The following ANXA7 variants were observed in gnomAD, a reference collection of about 807,000 sequenced individuals.
The protein encoded by ANXA7 is annexin VII.
ANXA7 carries 55 observed loss-of-function variants against 64.9 expected under a neutral mutation model. The observed-to-expected ratio is 0.85, with a 90% confidence interval of 0.68 to 1.06. The LOEUF (loss-of-function observed/expected upper bound fraction) is 1.06, where lower values mean the gene tolerates loss of function less well. Ranked by LOEUF, ANXA7 falls within the 50% of genes least tolerant of loss-of-function variation. The pLI, the probability that ANXA7 is intolerant of heterozygous loss-of-function variation, is 0.00. For missense variants in ANXA7, 548 were observed against 582.1 expected, an observed-to-expected ratio of 0.94 and a Z score of 0.60; for synonymous variants, 200 against 192.4, an observed-to-expected ratio of 1.04 and a Z score of -0.33.
At chr10:73,403,901 C>T (rs1408698294) in intron 1 of ANXA7, among the ~76,000 whole-genome samples, 1 of 152,130 alleles carries the variant, frequency 6.6e-6, no homozygotes, top group South Asian at 2.1e-4. Context: ...GGGACGTGAA[C>T]GTACCTACTT....
intron 1 of ANXA7, among the ~76,000 whole-genome samples, chr10:73,411,209 G>C (rs954655515): frequency 1.3e-5 from 2 of 152,120 alleles, no homozygotes; most frequent in Non-Finnish European, 2.9e-5. Context: ...ACCAAAAGCC[G>C]TATGTTCTCA....
At chr10:73,397,118 C>A in intron 4 of ANXA7, 46 bp downstream of exon 4, 1 of 1,117,202 alleles carries the variant, frequency 9.0e-7, no homozygotes, top group Non-Finnish European at 1.2e-6. Context: ...GATTTAAAAA[C>A]TCAAAATATC....
intron 12 of ANXA7, among the ~76,000 whole-genome samples, chr10:73,376,905 A>G (rs978252635): frequency 1.3e-5 from 2 of 152,176 alleles, no homozygotes; most frequent in Non-Finnish European, 2.9e-5. Flanking sequence ...AAAAGACAAC[A>G]CTCACAAAAA....
chr10:73,402,973 T>C (rs1477845325), intron 1 of ANXA7, among the ~76,000 whole-genome samples: 2 of 152,058 alleles, frequency 1.3e-5, no homozygotes, highest in Non-Finnish European at 2.9e-5. Context: ...TACAGGTGCC[T>C]GCCACCGTGC....
intron 5 of ANXA7, among the ~76,000 whole-genome samples, chr10:73,392,469 C>T (rs569880108): frequency 2.5e-3 from 378 of 151,948 alleles, no homozygotes; most frequent in African/African-American, 8.5e-3. Flanking sequence ...ACTGGCAAAC[C>T]GAATCCAGTA....
At chr10:73,380,899 T>C (rs1233633842) in intron 9 of ANXA7, among the ~76,000 whole-genome samples, 1 of 152,192 alleles carries the variant, frequency 6.6e-6, no homozygotes, top group Non-Finnish European at 1.5e-5. Flanking sequence ...ATTAAGCACT[T>C]TCTTTGTGTC....
intron 7 of ANXA7, among the ~76,000 whole-genome samples, chr10:73,384,948 C>T (rs2055341388): frequency 6.6e-6 from 1 of 151,768 alleles, no homozygotes; most frequent in African/African-American, 2.4e-5. Flanking sequence ...CTTGACTCTT[C>T]ATTACATTCA....
intron 1 of ANXA7, among the ~76,000 whole-genome samples, chr10:73,401,828 A>G (rs1409640114): frequency 6.6e-6 from 1 of 152,132 alleles, no homozygotes; most frequent in Admixed American, 6.6e-5. Context: ...AGCAGAGGGC[A>G]GTCCTCACCA....
At chr10:73,401,196 G>A (rs919646663) in intron 1 of ANXA7, among the ~76,000 whole-genome samples, 16 of 151,746 alleles carry the variant, frequency 1.1e-4, no homozygotes, top group Admixed American at 7.9e-4. Context: ...GAGCCACCGC[G>A]CCCAGCCTGT....
chr10:73,376,562 T>C (rs950412281), intron 12 of ANXA7, among the ~76,000 whole-genome samples: 6 of 152,194 alleles, frequency 3.9e-5, no homozygotes, highest in African/African-American at 1.2e-4. Flanking sequence ...CACAGGTTGA[T>C]GGAAAAGTAA....
At position 73,398,382 on chromosome 10, in the gene ANXA7, C is replaced by G. The variant is rs367885179; in HGVS notation, c.58G>C (p.Ala20Pro). 5 of 1,607,262 alleles carry G rather than the reference C, an allele frequency of 3.1e-6. No individual in the cohort carries two copies. The highest frequency in any genetic ancestry group is 4.3e-6 in the Non-Finnish European group (5 of 1,175,206). The change falls in exon 3 of 13, where the codon GCA (alanine) becomes CCA (proline). Residue 20 changes from alanine (A) to proline (P), a missense_variant. Ala to Pro is a conservative substitution (Grantham distance 27). Coordinates refer to ENST00000372921, the MANE Select transcript of ANXA7 (RefSeq NM_001156.5). Reference sequence around the variant, plus strand: ...GGGGGAAAAGATGACTCCTGACCTGCAGGCTGAAAAATCAGAATAATTTTT... The same window carrying G: ...GGGGGAAAAGATGACTCCTGACCTGGAGGCTGAAAAATCAGAATAATTTTT... ...GYPPFPGYPP[A>P]GQESSFPPSG... is the part of the protein sequence containing the mutation.
chr10:73,377,789 T>TGG (rs1564519484), intron 12 of ANXA7, among the ~76,000 whole-genome samples: 2 of 148,848 alleles, frequency 1.3e-5, no homozygotes, highest in African/African-American at 5.0e-5. Flanking sequence ...TGTGTGTGTG[T>TGG]GTGTGTGTGT....
chr10:73,398,613 A>C (rs2055613838), intron 2 of ANXA7, among the ~76,000 whole-genome samples: 1 of 151,924 alleles, frequency 6.6e-6, no homozygotes. Flanking sequence ...GTCAGGCAAG[A>C]GGGGTCTGCT....
chr10:73,389,805 G>A lies in ANXA7; in HGVS notation c.436-1391C>T, dbSNP rs573175950. The stretch of plus-strand genomic sequence containing the variant: ...CATGCCCAGCTAATTTCTTACTTTT[G>A]TAGAGACGGGGGTCTTGCTATGTTG... On this transcript the variant is annotated intron_variant, in intron 5 of 12. Transcript: ENST00000372921. Among the ~76,000 whole-genome samples, 4 of 152,164 alleles carry A rather than the reference G, an allele frequency of 2.6e-5. No individual in the cohort carries two copies. The East Asian group carries it at 7.7e-4, about 29-fold the overall frequency.
intron 12 of ANXA7, 26 bp downstream of exon 12, chr10:73,378,885 G>C (rs369495751): frequency 6.4e-7 from 1 of 1,550,526 alleles, no homozygotes; most frequent in South Asian, 1.1e-5. Flanking sequence ...AGTAAGACCC[G>C]ACAAAAAGAG....
At chr10:73,388,439 G>C (rs184346904) in intron 5 of ANXA7, 25 bp from the exon 6 acceptor site, 2 of 1,554,942 alleles carry the variant, frequency 1.3e-6, no homozygotes, top group Non-Finnish European at 1.8e-6. Context: ...CATAAAATCC[G>C]TGTCAGCATT....
At chr10:73,381,549 A>T (rs923805198) in intron 9 of ANXA7, 1 of 152,248 alleles carries the variant, frequency 6.6e-6, no homozygotes, top group East Asian at 1.9e-4. Context: ...CACATTCTAC[A>T]TGGGCGACTG....
intron 5 of ANXA7, among the ~76,000 whole-genome samples, chr10:73,389,537 T>C (rs1022051031): frequency 1.3e-5 from 2 of 152,248 alleles, no homozygotes; most frequent in Admixed American, 6.5e-5. Flanking sequence ...ACAAATTATT[T>C]GTACTATTTT....
chr10:73,385,511 C>T (rs749298171), intron 7 of ANXA7, among the ~76,000 whole-genome samples: 8 of 152,070 alleles, frequency 5.3e-5, no homozygotes, highest in Non-Finnish European at 1.2e-4. Context: ...ACAAAGCATA[C>T]AGAATACTCC....
Sources: gnomAD v4.1 joint callset for allele counts (sites outside exome capture counted in the v4.1 genomes callset) on GRCh38, gnomAD v4.1.1 for gene constraint, MANE v1.5 for transcripts, NCBI Gene and HGNC (gene_info 2026-07-23, HGNC 2026-07-21) for gene names.